Variants in TASOR2 observed in about 807,000 individuals in gnomAD.
TASOR2 encodes the protein transcription activation suppressor family member 2, also known as protein TASOR 2.
A neutral mutation model predicts 199.5 loss-of-function variants in TASOR2; 84 were observed. That is an observed-to-expected ratio of 0.42 (90% CI 0.35 to 0.50). The LOEUF (loss-of-function observed/expected upper bound fraction) is 0.50, where lower values mean the gene tolerates loss of function less well. Among genes scored for constraint, TASOR2 ranks in the 20% least tolerant of loss-of-function variants. TASOR2 has a pLI of 0.02. For synonymous variants in TASOR2, 1,103 were observed against 1,046.6 expected (o/e 1.05, Z -1.04); for missense variants, 2,796 against 2,835.9 (o/e 0.99, Z 0.32).
In TASOR2 at chr10:5,748,532, A is replaced by G. The variant is rs370197827; in HGVS notation, c.5111A>G (p.His1704Arg). Reference sequence around the variant, plus strand: ...AATGGTGAGCCTGAAGCTGAGTTACATAAAGAAACCACAGGTCCAGGCACT... The same window carrying G: ...AATGGTGAGCCTGAAGCTGAGTTACGTAAAGAAACCACAGGTCCAGGCACT... The change falls in exon 15 of 21, where the codon CAT becomes CGT. Residue 1704 changes from histidine (H) to arginine (R), a missense_variant. His to Arg is a conservative substitution (Grantham distance 29, BLOSUM62 0). Coordinates refer to ENST00000328090, the Ensembl canonical transcript of TASOR2. This position sits in a 1 kb window ranked among gnomAD's most constrained non-coding sequence, Gnocchi z 5.1. 2 of 1,613,600 alleles carry G rather than the reference A, an allele frequency of 1.2e-6. No individual in the cohort carries two copies. The highest frequency in any genetic ancestry group is 1.1e-5 in the South Asian group (1 of 91,088).
chr10:5,708,981 C>T (rs1231253177), intron 1 of TASOR2, among the ~76,000 whole-genome samples: 1 of 152,134 alleles, frequency 6.6e-6, no homozygotes, highest in Non-Finnish European at 1.5e-5. Flanking sequence ...GGATTACAGG[C>T]ATGAGCCACC....
intron 18 of TASOR2, among the ~76,000 whole-genome samples, chr10:5,759,735 C>G (rs537480466): frequency 6.6e-6 from 1 of 152,198 alleles, no homozygotes; most frequent in Non-Finnish European, 1.5e-5. Context: ...AAAGACGAAA[C>G]GACTGTTAGC....
At position 5,698,313 on chromosome 10, in the gene TASOR2, G is replaced by A. The variant is rs1336941458; in HGVS notation, c.-288+13138G>A. 1.3e-5 allele frequency among the ~76,000 whole-genome samples: 2 copies of A among 152,182 alleles called. No individual in the cohort carries two copies. The highest frequency in any genetic ancestry group is 4.8e-5 in the African/African-American group (2 of 41,458). ...AGATAGGAGAGTGAGGGCCACCCCAGCTGAGTTAAGCTGAATTCAATGAAC... is the reference window on the plus strand; with the variant it reads ...AGATAGGAGAGTGAGGGCCACCCCAACTGAGTTAAGCTGAATTCAATGAAC... On this transcript the variant is annotated intron_variant, in intron 1 of 20. Coordinates refer to ENST00000328090, the Ensembl canonical transcript of TASOR2. This position sits in a 1 kb window ranked among gnomAD's most constrained non-coding sequence, Gnocchi z 4.4.
At chr10:5,715,103 C>T (rs945786192) in intron 2 of TASOR2, among the ~76,000 whole-genome samples, 9 of 151,892 alleles carry the variant, frequency 5.9e-5, no homozygotes, top group African/African-American at 1.7e-4. Flanking sequence ...TAGAGTTTCA[C>T]GGAAAGCAGA....
chr10:5,713,244 C>A (rs10795488), intron 2 of TASOR2, among the ~76,000 whole-genome samples: 103,092 of 151,976 alleles, frequency 0.68, 35,497 homozygotes, highest in African/African-American at 0.8. Flanking sequence ...ATCGTTTAAT[C>A]GAAACTTTGT....
intron 14 of TASOR2, chr10:5,743,986 A>G (rs966104615): frequency 1.3e-5 from 2 of 152,250 alleles, no homozygotes; most frequent in Non-Finnish European, 2.9e-5. Context: ...ACTAGAAACC[A>G]AAAGCATGTT....
intron 8 of TASOR2, 29 bp downstream of exon 9, chr10:5,724,562 ATTATG>A: frequency 1.0e-6 from 1 of 996,262 alleles, no homozygotes. Flanking sequence ...AAATATAATT[ATTATG>A]TTTTTCTTTA....
chr10:5,686,304 T>C (rs1452384250), intron 1 of TASOR2, among the ~76,000 whole-genome samples: 6 of 152,256 alleles, frequency 3.9e-5, no homozygotes, highest in Non-Finnish European at 7.3e-5. Flanking sequence ...CCAAACATAG[T>C]TGTTAAAATG....
At chr10:5,708,307 C>T (rs1483143496) in intron 1 of TASOR2, among the ~76,000 whole-genome samples, 1 of 152,234 alleles carries the variant, frequency 6.6e-6, no homozygotes, top group East Asian at 1.9e-4. Context: ...AGAAAATGTA[C>T]ACTAGTTTCC....
intron 15 of TASOR2, among the ~76,000 whole-genome samples, chr10:5,755,929 C>T (rs1838869127): frequency 6.6e-6 from 1 of 151,584 alleles, no homozygotes; most frequent in Admixed American, 6.6e-5. Context: ...GAGGTCAAAG[C>T]TGCAGTGAGC....
rs893076609 is a variant in TASOR2 at position 5,719,812 on chromosome 10, A to C, written c.-99-732A>C. On this transcript the variant is annotated intron_variant, in intron 3 of 20. Coordinates refer to ENST00000328090, the Ensembl canonical transcript of TASOR2. The surrounding 1 kb of genome is among the most constrained non-coding windows in gnomAD (Gnocchi z 4.1). The stretch of plus-strand genomic sequence containing the variant: ...GGCCCTGTCATAATAGAAGTATCTC[A>C]GTTTATAATTTACAACTGATCATAG... Among the ~76,000 whole-genome samples the C allele has an allele frequency of 4.6e-5, 7 of 152,184 alleles. No individual in the cohort carries two copies. Among genetic ancestry groups the C allele is most frequent in the Non-Finnish European group, 7.3e-5 (5 of 68,036 alleles).
chr10:5,704,189 A>T (rs1042981797), intron 1 of TASOR2, among the ~76,000 whole-genome samples: 1 of 149,662 alleles, frequency 6.7e-6, no homozygotes, highest in Non-Finnish European at 1.5e-5. Flanking sequence ...ACACCATTGC[A>T]CTCCAGCCTG....
intron 7 of TASOR2, among the ~76,000 whole-genome samples, chr10:5,724,189 A>AT (rs1833734598): frequency 6.6e-6 from 1 of 151,646 alleles, no homozygotes; most frequent in Admixed American, 6.6e-5. Flanking sequence ...TTATTCATGT[A>AT]GTATTTGTAT....
Position 5,748,003 on chromosome 10 carries a change from CCTGCCTCAG to C in TASOR2, c.4588_4596del (p.Ser1530_Ala1532del), listed in dbSNP as rs3082216. The C allele has an allele frequency of 0.054, 86,718 of 1,613,778 alleles. 10,470 individuals carry two copies. Among genetic ancestry groups the C allele is most frequent in the East Asian group, 0.44 (19,569 of 44,810 alleles). ...GTGCTATGGTAGGGAGTTAAACCAG[CCTGCCTCAG>C]CTGCCAAATGCACAGGTGACTTCAG... On this transcript the variant is annotated inframe_deletion, in exon 15 of 21. Coordinates refer to ENST00000328090, the Ensembl canonical transcript of TASOR2. This position sits in a 1 kb window ranked among gnomAD's most constrained non-coding sequence, Gnocchi z 5.1.
At position 5,737,694 on chromosome 10, in the gene TASOR2, A is replaced by G. The variant is rs2131608067; in HGVS notation, c.1448-1924A>G. 6.6e-6 allele frequency among the ~76,000 whole-genome samples: 1 copy of G among 152,282 alleles called. No individual in the cohort carries two copies. Among genetic ancestry groups the G allele is most frequent in the South Asian group, 2.1e-4 (1 of 4,824 alleles). On this transcript the variant is annotated intron_variant, in intron 12 of 20. Transcript: ENST00000328090. The surrounding 1 kb of genome is among the most constrained non-coding windows in gnomAD (Gnocchi z 4.9). ...TCATACTGTTTTCAATTCATCTGAC[A>G]TGTCTTGGTCCAATCTTTCCAATTT...
In TASOR2 at chr10:5,750,361, C is replaced by T. The variant is rs1026240644; in HGVS notation, c.6606+334C>T. On this transcript the variant is annotated intron_variant, in intron 15 of 20. Transcript: ENST00000328090. This position sits in a 1 kb window ranked among gnomAD's most constrained non-coding sequence, Gnocchi z 5.4. ...TTTTGAAAAGTGGTTGTAGATTGTC[C>T]GTTAGTGTGGGTGGTCAAGTAGGAC... is the stretch of plus-strand genomic sequence containing the variant. 3.3e-5 allele frequency among the ~76,000 whole-genome samples: 5 copies of T among 152,160 alleles called. No individual in the cohort carries two copies. The East Asian group carries it at 5.8e-4, about 18-fold the overall frequency.
exon 18 of TASOR2, chr10:5,758,969 T>A (rs749342460): frequency 1.9e-6 from 3 of 1,613,426 alleles, no homozygotes; most frequent in African/African-American, 1.3e-5. Flanking sequence ...ACAGGGAAAA[T>A]AAAAAGCTAA....
Position 5,740,312 on chromosome 10 carries a change from C to T in TASOR2, c.2142C>T (p.Pro714=), listed in dbSNP as rs576431591. 1.1e-5 allele frequency: 18 copies of T among 1,614,234 alleles called. No homozygotes were observed. The highest frequency in any genetic ancestry group is 4.4e-5 in the South Asian group (4 of 91,086). Residue 714 remains proline (P), a synonymous_variant, in exon 13 of 21, where the codon CCC becomes CCT. Coordinates refer to ENST00000328090, the Ensembl canonical transcript of TASOR2. The surrounding 1 kb of genome is among the most constrained non-coding windows in gnomAD (Gnocchi z 5.3). ...TTCAGCAAAAGCCTCCTGACGACCC[C>T]GTGGTGAAGCCCAAGGATCGACCAC...
intron 10 of TASOR2, among the ~76,000 whole-genome samples, chr10:5,728,151 G>T (rs138230945): frequency 2.0e-5 from 3 of 150,840 alleles, no homozygotes; most frequent in East Asian, 1.9e-4. Flanking sequence ...AGCCCGAGAC[G>T]TGGAGGTTGC....
Sources: gnomAD v4.1 joint callset for allele counts (sites outside exome capture counted in the v4.1 genomes callset) on GRCh38, gnomAD v4.1.1 for gene constraint, Gnocchi (gnomAD v3.1) non-coding constraint, MANE v1.5 for transcripts, NCBI Gene and HGNC (gene_info 2026-07-23, HGNC 2026-07-21) for gene names.